CADPS2: variants seen among roughly 807,000 people sequenced by gnomAD.
The protein encoded by CADPS2 is calcium-dependent secretion activator 2.
In CADPS2, 93 loss-of-function variants were observed where a neutral mutation model predicts 172.5. The observed-to-expected ratio is 0.54, with a 90% CI of 0.46 to 0.64. CADPS2 has a LOEUF of 0.64. Among genes scored for constraint, CADPS2 ranks in the 30% least tolerant of loss-of-function variants. CADPS2 has a pLI of 0.00. For synonymous variants in CADPS2, 546 were observed against 555.2 expected (o/e 0.98, Z 0.23); for missense variants, 1,420 against 1,565.9 (o/e 0.91, Z 1.57).
chr7:122,322,584 C>A (rs1398081819), intron 29 of CADPS2, among the ~76,000 whole-genome samples: 1 of 152,226 alleles, frequency 6.6e-6, no homozygotes, highest in Non-Finnish European at 1.5e-5. Flanking sequence ...TTTATGTTAA[C>A]TGCATTTAAT....
chr7:122,503,403 C>T lies in CADPS2; in HGVS notation c.1542+9846G>A, dbSNP rs540943277. Among the ~76,000 whole-genome samples, 13 of 151,716 alleles carry T rather than the reference C, an allele frequency of 8.6e-5. No individual in the cohort carries two copies. The South Asian group carries it at 2.7e-3, about 32-fold the overall frequency. On this transcript the variant is annotated intron_variant, in intron 9 of 29. Coordinates refer to ENST00000449022, the MANE Select transcript of CADPS2 (RefSeq NM_017954.11). ...TATTTAGATTCTATTGAACACGTTA[C>T]TGAATGATTTAGTGGTTTTTATCTT...
At chr7:122,338,574 TG>T (rs1242981171) in intron 28 of CADPS2, among the ~76,000 whole-genome samples, 1 of 152,216 alleles carries the variant, frequency 6.6e-6, no homozygotes, top group African/African-American at 2.4e-5. Context: ...TTGGACATAC[TG>T]GTACAACAGT....
At chr7:122,617,536 A>G (rs2075061918) in intron 5 of CADPS2, among the ~76,000 whole-genome samples, 1 of 152,188 alleles carries the variant, frequency 6.6e-6, no homozygotes, top group African/African-American at 2.4e-5. Flanking sequence ...TTGTCCTAGA[A>G]GTAAAAAGAA....
intron 19 of CADPS2, among the ~76,000 whole-genome samples, chr7:122,412,377 G>A (rs1331806390): frequency 1.3e-5 from 2 of 151,930 alleles, no homozygotes; most frequent in African/African-American, 2.4e-5. Context: ...AGGAATAAGG[G>A]TACACACAAA....
chr7:122,449,223 G>A (rs991856375), intron 15 of CADPS2, among the ~76,000 whole-genome samples: 5 of 151,962 alleles, frequency 3.3e-5, no homozygotes, highest in Non-Finnish European at 7.4e-5. Context: ...GGGTCTCAAC[G>A]GTAGCAAAAA....
intron 1 of CADPS2, among the ~76,000 whole-genome samples, chr7:122,803,210 T>C (rs763000131): frequency 2.0e-4 from 30 of 152,326 alleles, no homozygotes; most frequent in Non-Finnish European, 2.6e-4. Flanking sequence ...ATACACTCAG[T>C]GCTGCTCATA....
chr7:122,678,438 T>C (rs1369508925), intron 2 of CADPS2, among the ~76,000 whole-genome samples: 1 of 152,184 alleles, frequency 6.6e-6, no homozygotes, highest in Non-Finnish European at 1.5e-5. Flanking sequence ...ACACAGAAGA[T>C]GGGAGTTATT....
intron 3 of CADPS2, among the ~76,000 whole-genome samples, chr7:122,637,934 A>C (rs961874630): frequency 3.9e-5 from 6 of 152,114 alleles, no homozygotes; most frequent in Non-Finnish European, 8.8e-5. Flanking sequence ...ATGCTGGCAT[A>C]ATGTTTTTGA....
intron 1 of CADPS2, among the ~76,000 whole-genome samples, chr7:122,851,220 G>A (rs1813501344): frequency 6.6e-6 from 1 of 152,230 alleles, no homozygotes; most frequent in African/African-American, 2.4e-5. Flanking sequence ...GATGTCTACA[G>A]AAGGAAAGAG....
chr7:122,381,592 A>T (rs1490331933), intron 24 of CADPS2, among the ~76,000 whole-genome samples: 1 of 152,072 alleles, frequency 6.6e-6, no homozygotes, highest in Non-Finnish European at 1.5e-5. Context: ...AAATCAAGGG[A>T]CGAGCCACAA....
intron 1 of CADPS2, among the ~76,000 whole-genome samples, chr7:122,739,047 C>T (rs1014466920): frequency 2.6e-5 from 4 of 152,052 alleles, no homozygotes; most frequent in Non-Finnish European, 5.9e-5. Context: ...TGGGTGCATA[C>T]TAGCAACGCA....
chr7:122,621,615 G>A lies in CADPS2; in HGVS notation c.970C>T (p.Pro324Ser). Residue 324 changes from proline to serine, a missense_variant, in exon 5 of 30, where the codon CCA (proline) becomes TCA (serine). Coordinates refer to ENST00000449022, the MANE Select transcript of CADPS2 (RefSeq NM_017954.11). ...AATTCCGGACCACCTTTCGAAACTGGAAGACTTTCCAAATTGGCCATTAGC... is the reference window on the plus strand; with the variant it reads ...AATTCCGGACCACCTTTCGAAACTGAAAGACTTTCCAAATTGGCCATTAGC... ...NLLMANLESL[P>S]VSKGGPEFKL... 2 of 1,613,698 alleles carry A rather than the reference G, an allele frequency of 1.2e-6. No individual in the cohort carries two copies. Among genetic ancestry groups the A allele is most frequent in the Non-Finnish European group, 1.7e-6 (2 of 1,179,700 alleles).
At chr7:122,691,566 A>T (rs892895727) in intron 2 of CADPS2, among the ~76,000 whole-genome samples, 2 of 152,222 alleles carry the variant, frequency 1.3e-5, no homozygotes, top group African/African-American at 2.4e-5. Context: ...CTAAATCTGC[A>T]AGAGAACCAG....
At chr7:122,352,014 G>C (rs2038733399) in intron 27 of CADPS2, among the ~76,000 whole-genome samples, 1 of 152,134 alleles carries the variant, frequency 6.6e-6, no homozygotes, top group South Asian at 2.1e-4. Flanking sequence ...AACTACTCAA[G>C]GGGACAAGGT....
intron 1 of CADPS2, among the ~76,000 whole-genome samples, chr7:122,860,191 T>C (rs2501447): frequency 0.44 from 67,423 of 151,954 alleles, 17,403 homozygotes; most frequent in African/African-American, 0.72. Flanking sequence ...GTTGGAAGGA[T>C]GTGCTCCTAT....
intron 1 of CADPS2, among the ~76,000 whole-genome samples, chr7:122,789,641 G>T (rs971981464): frequency 6.6e-6 from 1 of 152,072 alleles, no homozygotes; most frequent in Non-Finnish European, 1.5e-5. Flanking sequence ...AGTTAAAAAC[G>T]TCTACAGATA....
intron 13 of CADPS2, among the ~76,000 whole-genome samples, chr7:122,473,395 A>G (rs2056229668): frequency 6.6e-6 from 1 of 152,166 alleles, no homozygotes; most frequent in Admixed American, 6.6e-5. Flanking sequence ...AGAATTCATG[A>G]ATTAAACTCT....
At chr7:122,816,993 G>A (rs10234934) in intron 1 of CADPS2, among the ~76,000 whole-genome samples, 1,847 of 145,720 alleles carry the variant, frequency 0.013, 62 homozygotes, top group African/African-American at 0.046. Flanking sequence ...ACTCCTGCCC[G>A]CCAGAGAACC....
rs941366141 is a variant in CADPS2, at chr7:122,615,096, T to C, written c.1223+85A>G. ...CAGTTTTAGAGGGTAATACCACACA[T>C]TTATGCACATAAACAGAGCATGTTT... On this transcript the variant is annotated intron_variant, in intron 6 of 29. Coordinates refer to ENST00000449022, the MANE Select transcript of CADPS2 (RefSeq NM_017954.11). 20 of 771,838 alleles carry C rather than the reference T, an allele frequency of 2.6e-5. 1 individual carries two copies. In the South Asian group the frequency reaches 4.2e-4, roughly 16 times the overall value. 47.8% of individuals were successfully genotyped at this position (771,838 alleles called of 1,614,324 possible). A position where few individuals can be genotyped will look rare whatever the true frequency, so the allele number is the denominator to read the frequency against.
Sources: allele counts gnomAD v4.1 joint callset (sites outside exome capture counted in the v4.1 genomes callset), GRCh38; gene constraint gnomAD v4.1.1; transcripts MANE v1.5; gene names NCBI Gene and HGNC (gene_info 2026-07-23, HGNC 2026-07-21).